KLF12: variants seen among roughly 807,000 people sequenced by gnomAD.
KLF12 encodes the protein Krueppel-like factor 12.
A neutral mutation model predicts 37.8 loss-of-function variants in KLF12; 9 were observed. That is an observed-to-expected ratio of 0.24 (90% confidence interval 0.14 to 0.42). The LOEUF (loss-of-function observed/expected upper bound fraction) is 0.42, where lower values mean the gene tolerates loss of function less well. KLF12 is among the 10% of genes least tolerant of loss of function. The probability of loss-of-function intolerance (pLI) is 1.00; values close to 1 mark genes in which losing one functional copy is unlikely to be tolerated. For synonymous variants in KLF12, 208 were observed against 202.1 expected (o/e 1.03, Z -0.25); for missense variants, 411 against 516.0 (o/e 0.80, Z 1.97).
intron 2 of KLF12, among the ~76,000 whole-genome samples, chr13:73,961,379 G>A (rs1202505584): frequency 2.0e-5 from 3 of 151,996 alleles, no homozygotes; most frequent in African/African-American, 4.8e-5. Flanking sequence ...TGAACAAACC[G>A]AAAAAATCAA....
At chr13:73,698,957 A>ATAT (rs756554089) in intron 7 of KLF12, among the ~76,000 whole-genome samples, 1 of 152,198 alleles carries the variant, frequency 6.6e-6, no homozygotes, top group Non-Finnish European at 1.5e-5. Flanking sequence ...TTAATCTCAA[A>ATAT]TTAGGATCCT....
chr13:73,788,131 C>G (rs1157974935), intron 5 of KLF12, among the ~76,000 whole-genome samples: 1 of 152,114 alleles, frequency 6.6e-6, no homozygotes, highest in Non-Finnish European at 1.5e-5. Flanking sequence ...ATTTGACTTA[C>G]TTTTCATATG....
intron 5 of KLF12, among the ~76,000 whole-genome samples, chr13:73,806,649 C>CAAAAAAAAA (rs11482328): frequency 5.5e-5 from 6 of 108,292 alleles, no homozygotes; most frequent in Non-Finnish European, 7.6e-5. Flanking sequence ...AAAAAACAAA[C>CAAAAAAAAA]AAAAAAAAAA....
chr13:74,251,395 C>G, the KLF12 span, among the ~76,000 whole-genome samples: 1 of 152,128 alleles, frequency 6.6e-6, no homozygotes, highest in African/African-American at 2.4e-5. Context: ...ATCCGCCCAC[C>G]TTGGCCTCCC....
chr13:73,731,394 T>A (rs1877042279), intron 6 of KLF12, among the ~76,000 whole-genome samples: 1 of 151,962 alleles, frequency 6.6e-6, no homozygotes, highest in South Asian at 2.1e-4. Flanking sequence ...AGAAACTAGG[T>A]AATAAGGAAG....
At chr13:74,233,201 A>T in the KLF12 span, among the ~76,000 whole-genome samples, 1 of 152,176 alleles carries the variant, frequency 6.6e-6, no homozygotes, top group African/African-American at 2.4e-5. Flanking sequence ...TTTTATAAAG[A>T]TACACTGTAT....
At chr13:74,078,757 C>T (rs114481798) in intron 1 of KLF12, among the ~76,000 whole-genome samples, 1,885 of 152,204 alleles carry the variant, frequency 0.012, 34 homozygotes, top group African/African-American at 0.042. Flanking sequence ...CTTCTCTGTT[C>T]CTGAGTTAAA....
At chr13:73,944,807 C>G (rs910431337) in intron 2 of KLF12, among the ~76,000 whole-genome samples, 1 of 152,140 alleles carries the variant, frequency 6.6e-6, no homozygotes, top group Non-Finnish European at 1.5e-5. Context: ...TTATTTTCTA[C>G]GTAATTGTCA....
chr13:74,171,549 G>A, the KLF12 span, among the ~76,000 whole-genome samples: 5 of 152,102 alleles, frequency 3.3e-5, no homozygotes, highest in Non-Finnish European at 2.9e-5. Context: ...GCTGCCACCC[G>A]GTTCTCCCTG....
At chr13:74,243,304 A>G in the KLF12 span, among the ~76,000 whole-genome samples, 1 of 152,066 alleles carries the variant, frequency 6.6e-6, no homozygotes, top group African/African-American at 2.4e-5. Flanking sequence ...TTATGGCTGC[A>G]TAGTATTCCA....
chr13:73,826,111 T>C (rs9565046), intron 4 of KLF12, among the ~76,000 whole-genome samples: 37,444 of 151,654 alleles, frequency 0.25, 4,775 homozygotes, highest in East Asian at 0.49. Flanking sequence ...TAGCTGGGAC[T>C]ACAGGCGCCC....
chr13:73,955,367 A>G (rs914024313), intron 2 of KLF12, among the ~76,000 whole-genome samples: 23 of 152,186 alleles, frequency 1.5e-4, no homozygotes, highest in Admixed American at 3.9e-4. Flanking sequence ...TGTTTTTTAT[A>G]AATGATGACA....
intron 6 of KLF12, among the ~76,000 whole-genome samples, chr13:73,745,346 G>A (rs925104607): frequency 6.6e-6 from 1 of 152,202 alleles, no homozygotes; most frequent in Non-Finnish European, 1.5e-5. Context: ...GAATGGAGTT[G>A]TGTCAGTAGC....
At chr13:74,225,897 G>T in the KLF12 span, among the ~76,000 whole-genome samples, 3 of 152,138 alleles carry the variant, frequency 2.0e-5, no homozygotes, top group Admixed American at 2.0e-4. Context: ...GCAATGGTCA[G>T]GGAAGGATAC....
At chr13:73,733,790 G>A (rs563685521) in intron 6 of KLF12, among the ~76,000 whole-genome samples, 2 of 152,174 alleles carry the variant, frequency 1.3e-5, no homozygotes, top group Non-Finnish European at 2.9e-5. Flanking sequence ...AAAGCACAAG[G>A]GTTCCAATTT....
upstream of KLF12, among the ~76,000 whole-genome samples, chr13:74,135,547 G>C (rs528090156): frequency 2.0e-5 from 3 of 151,192 alleles, no homozygotes; most frequent in Non-Finnish European, 4.4e-5. Flanking sequence ...GGTCAGCGCC[G>C]AGCCGGAGGG....
chr13:74,123,393 C>T (rs151332890), intron 1 of KLF12, among the ~76,000 whole-genome samples: 14 of 152,294 alleles, frequency 9.2e-5, no homozygotes, highest in African/African-American at 3.1e-4. Context: ...CATTAAAGAT[C>T]TAAAAGAAAT....
chr13:73,976,616 A>G (rs1891530896), intron 2 of KLF12, among the ~76,000 whole-genome samples: 1 of 152,166 alleles, frequency 6.6e-6, no homozygotes, highest in African/African-American at 2.4e-5. Context: ...AGAACTCTTG[A>G]TCATGTAACT....
chr13:74,269,832 A>T, the KLF12 span, among the ~76,000 whole-genome samples: 4 of 152,182 alleles, frequency 2.6e-5, no homozygotes, highest in African/African-American at 9.7e-5. Flanking sequence ...TGAGCCGCTC[A>T]TGCCAGGGAT....
Sources: allele counts gnomAD v4.1 joint callset (sites outside exome capture counted in the v4.1 genomes callset), GRCh38; gene constraint gnomAD v4.1.1; transcripts MANE v1.5; gene names NCBI Gene and HGNC (gene_info 2026-07-23, HGNC 2026-07-21).